The following ADAMTS17 variants were observed in gnomAD, a reference collection of about 807,000 sequenced individuals.
ADAMTS17 encodes ADAM metallopeptidase with thrombospondin type 1 motif 17.
ADAMTS17 carries 113 observed loss-of-function variants against 141.5 expected under a neutral mutation model. The ratio of observed to expected loss-of-function variants is 0.80; its 90% CI spans 0.69 to 0.93. The LOEUF (loss-of-function observed/expected upper bound fraction) is 0.93. Ranked by LOEUF, ADAMTS17 falls within the 40% of genes least tolerant of loss-of-function variation. ADAMTS17 has a pLI of 0.00. For missense variants in ADAMTS17, 1,659 were observed against 1,517.9 expected, an observed-to-expected ratio of 1.09 and a Z score of -1.54; for synonymous variants, 768 against 630.6, an observed-to-expected ratio of 1.22 and a Z score of -3.27.
intron 3 of ADAMTS17, among the ~76,000 whole-genome samples, chr15:100,302,234 G>A (rs1415013934): frequency 6.6e-6 from 1 of 152,134 alleles, no homozygotes; most frequent in Non-Finnish European, 1.5e-5. Flanking sequence ...GCTGCAGCAG[G>A]CATCAGTGCT....
intron 8 of ADAMTS17, among the ~76,000 whole-genome samples, chr15:100,171,479 C>T (rs1174176383): frequency 1.3e-5 from 2 of 152,304 alleles, no homozygotes; most frequent in East Asian, 1.9e-4. Context: ...TCAAGTGACA[C>T]AAACCCTGAC....
At chr15:100,095,908 T>G (rs2035727819) in intron 15 of ADAMTS17, among the ~76,000 whole-genome samples, 1 of 152,194 alleles carries the variant, frequency 6.6e-6, no homozygotes, top group South Asian at 2.1e-4. Flanking sequence ...CCTGAGACCT[T>G]CCAGACTGTA....
chr15:100,148,371 CTAGT>C (rs1467862305), intron 10 of ADAMTS17, among the ~76,000 whole-genome samples: 7 of 150,256 alleles, frequency 4.7e-5, no homozygotes, highest in Admixed American at 1.3e-4. Context: ...ATATTTCCAC[CTAGT>C]ATCATTTTCT....
rs200234837 is a variant in ADAMTS17, at chr15:100,262,335, T to A, written c.873+17A>T. ...CCACATTTTCTGCTTGCTTGAAAGG[T>A]GCCTGTGGGGACTTACGGGACGTTG... On this transcript the variant is annotated intron_variant, in intron 5 of 21. Coordinates refer to ENST00000268070, the MANE Select transcript of ADAMTS17 (RefSeq NM_139057.4). 1 of 1,611,870 alleles carries A rather than the reference T, an allele frequency of 6.2e-7. No individual in the cohort carries two copies. Among genetic ancestry groups the A allele is most frequent in the Admixed American group, 1.7e-5 (1 of 59,956 alleles).
rs1158137406 is a variant in ADAMTS17 at position 100,260,946 on chromosome 15, A to G, written c.1031+533T>C. Among the ~76,000 whole-genome samples the G allele has an allele frequency of 2.0e-5, 3 of 152,216 alleles. No homozygotes were observed. The South Asian group carries it at 6.2e-4, about 32-fold the overall frequency. ...ACATGTAACACATTTTGTTTAAGTTATTAAAGTAAAGCAACCAAAGAAAAA... is the reference window on the plus strand; with the variant it reads ...ACATGTAACACATTTTGTTTAAGTTGTTAAAGTAAAGCAACCAAAGAAAAA... On this transcript the variant is annotated intron_variant, in intron 6 of 21. Coordinates refer to ENST00000268070, the MANE Select transcript of ADAMTS17 (RefSeq NM_139057.4).
At chr15:99,994,565 CTTTT>C (rs1033480572) in intron 19 of ADAMTS17, among the ~76,000 whole-genome samples, 5 of 152,142 alleles carry the variant, frequency 3.3e-5, no homozygotes, top group African/African-American at 9.6e-5. Context: ...CTAGCTTTCT[CTTTT>C]TTTATTTTTT....
chr15:100,103,556 T>C (rs1388856570), intron 14 of ADAMTS17, among the ~76,000 whole-genome samples: 1 of 143,822 alleles, frequency 7.0e-6, no homozygotes, highest in Non-Finnish European at 1.5e-5. Context: ...GAACACATAA[T>C]CCATCCATCC....
At chr15:100,158,621 G>A (rs1027194040) in intron 8 of ADAMTS17, among the ~76,000 whole-genome samples, 5 of 152,058 alleles carry the variant, frequency 3.3e-5, no homozygotes, top group African/African-American at 9.7e-5. Flanking sequence ...GGCAATACAA[G>A]CCCACTCTTT....
At chr15:100,157,513 T>C (rs773243264) in intron 8 of ADAMTS17, among the ~76,000 whole-genome samples, 4 of 152,180 alleles carry the variant, frequency 2.6e-5, no homozygotes, top group Non-Finnish European at 5.9e-5. Flanking sequence ...TAGATGGCCA[T>C]ATTTTCGCGT....
intron 8 of ADAMTS17, among the ~76,000 whole-genome samples, chr15:100,170,989 C>G (rs904209211): frequency 6.6e-6 from 1 of 152,190 alleles, no homozygotes; most frequent in Non-Finnish European, 1.5e-5. Context: ...GCCCATCCCC[C>G]ACACCAGCTT....
At chr15:100,172,082 C>T (rs1220570309) in intron 8 of ADAMTS17, among the ~76,000 whole-genome samples, 1 of 152,202 alleles carries the variant, frequency 6.6e-6, no homozygotes, top group Non-Finnish European at 1.5e-5. Context: ...TAACTTAACA[C>T]TAGGGAGACA....
intron 6 of ADAMTS17, among the ~76,000 whole-genome samples, chr15:100,260,057 C>T (rs1037797050): frequency 1.3e-5 from 2 of 152,030 alleles, no homozygotes; most frequent in African/African-American, 4.8e-5. Flanking sequence ...GTTGGCCAAG[C>T]TGGTCTCGAA....
chr15:100,188,942 C>A (rs2040820629), intron 8 of ADAMTS17, among the ~76,000 whole-genome samples: 1 of 152,214 alleles, frequency 6.6e-6, no homozygotes, highest in South Asian at 2.1e-4. Flanking sequence ...CTTTAACCCA[C>A]CAAGTTATAT....
chr15:100,070,255 AC>A (rs200184920), intron 15 of ADAMTS17, among the ~76,000 whole-genome samples: 22,390 of 149,342 alleles, frequency 0.15, 3,246 homozygotes, highest in East Asian at 0.54. Flanking sequence ...GTCCTGAGTG[AC>A]CTACAAAGAG....
chr15:100,138,099 T>C (rs563461510), intron 10 of ADAMTS17, among the ~76,000 whole-genome samples: 25 of 152,170 alleles, frequency 1.6e-4, no homozygotes, highest in Non-Finnish European at 2.9e-4. Flanking sequence ...GGTCAGGAGA[T>C]CTATCTGAGA....
chr15:100,109,217 G>A (rs2036592471), intron 13 of ADAMTS17, 101 bp from the exon 14 acceptor site: 1 of 1,510,282 alleles, frequency 6.6e-7, no homozygotes, highest in Non-Finnish European at 9.0e-7. Context: ...AGGAAGAGAG[G>A]TCCGCACAGG....
intron 3 of ADAMTS17, among the ~76,000 whole-genome samples, chr15:100,322,156 T>C (rs3891624): frequency 0.012 from 1,777 of 152,188 alleles, 23 homozygotes; most frequent in Middle Eastern, 0.031. Flanking sequence ...CACAGGAGAC[T>C]GAGGGAAGGC....
At chr15:100,178,996 A>G (rs933081605) in intron 8 of ADAMTS17, among the ~76,000 whole-genome samples, 1 of 152,080 alleles carries the variant, frequency 6.6e-6, no homozygotes, top group African/African-American at 2.4e-5. Flanking sequence ...AGCTGTATGT[A>G]TTTATGGGGT....
At chr15:99,977,322 G>A (rs1284261332) in intron 20 of ADAMTS17, among the ~76,000 whole-genome samples, 2 of 122,514 alleles carry the variant, frequency 1.6e-5, no homozygotes, top group African/African-American at 3.2e-5. Flanking sequence ...TTAAGACTTC[G>A]TGGTTCTGTT....
Sources: allele counts gnomAD v4.1 joint callset (sites outside exome capture counted in the v4.1 genomes callset), GRCh38; gene constraint gnomAD v4.1.1; transcripts MANE v1.5; gene names NCBI Gene and HGNC (gene_info 2026-07-23, HGNC 2026-07-21).